NTM: variants seen among roughly 807,000 people sequenced by gnomAD.
NTM encodes the protein IgLON family member 2.
In NTM, 13 loss-of-function variants were observed where a neutral mutation model predicts 42.1. That is an observed-to-expected ratio of 0.31 (90% confidence interval 0.20 to 0.49). The LOEUF (loss-of-function observed/expected upper bound fraction) is 0.49, where lower values mean the gene tolerates loss of function less well. Among genes scored for constraint, NTM ranks in the 20% least tolerant of loss-of-function variants. The probability of loss-of-function intolerance (pLI) is 0.99; values close to 1 mark genes in which losing one functional copy is unlikely to be tolerated. For missense variants in NTM, 373 were observed against 452.8 expected (o/e 0.82, Z 1.60); for synonymous variants, 187 against 179.2 (o/e 1.04, Z -0.35).
intron 1 of NTM, among the ~76,000 whole-genome samples, chr11:131,412,011 G>A (rs779407844): frequency 6.6e-6 from 1 of 152,136 alleles, no homozygotes; most frequent in Non-Finnish European, 1.5e-5. Flanking sequence ...CCAGACCTAC[G>A]TGGACCCTTG....
chr11:132,045,385 A>G (rs1465555736), intron 2 of NTM, among the ~76,000 whole-genome samples: 1 of 152,172 alleles, frequency 6.6e-6, no homozygotes, highest in Non-Finnish European at 1.5e-5. Flanking sequence ...TTACAAATGT[A>G]TTGGTAATTA....
At chr11:131,415,646 G>A (rs1946866872) in intron 1 of NTM, among the ~76,000 whole-genome samples, 1 of 152,062 alleles carries the variant, frequency 6.6e-6, no homozygotes, top group South Asian at 2.1e-4. Flanking sequence ...CCAGGAATCT[G>A]TCAGAAAGCA....
intron 1 of NTM, among the ~76,000 whole-genome samples, chr11:131,462,443 A>G (rs912463958): frequency 6.6e-6 from 1 of 152,252 alleles, no homozygotes; most frequent in African/African-American, 2.4e-5. Flanking sequence ...TTAAAAATAC[A>G]AAAATGACAA....
intron 1 of NTM, among the ~76,000 whole-genome samples, chr11:131,845,689 A>C (rs1303751342): frequency 6.7e-6 from 1 of 149,986 alleles, no homozygotes; most frequent in Non-Finnish European, 1.5e-5. Context: ...CCTGTCATTA[A>C]AAAAAAAATA....
chr11:132,208,751 T>C (rs892428631), intron 3 of NTM, among the ~76,000 whole-genome samples: 2 of 152,190 alleles, frequency 1.3e-5, no homozygotes, highest in African/African-American at 4.8e-5. Context: ...CCACTTAAAA[T>C]GTACTTTAAG....
chr11:132,157,090 G>A (rs563705194), intron 3 of NTM, among the ~76,000 whole-genome samples: 3 of 152,332 alleles, frequency 2.0e-5, no homozygotes, highest in East Asian at 3.9e-4. Flanking sequence ...TTTCAGCCTA[G>A]TGAGAGTCAT....
At chr11:131,513,242 C>T (rs2048481153) in intron 1 of NTM, among the ~76,000 whole-genome samples, 1 of 152,170 alleles carries the variant, frequency 6.6e-6, no homozygotes, top group Admixed American at 6.5e-5. Flanking sequence ...CCAGACAAAA[C>T]AATATAAACT....
chr11:132,012,578 C>A (rs1410602514), intron 2 of NTM, among the ~76,000 whole-genome samples: 1 of 152,086 alleles, frequency 6.6e-6, no homozygotes. Context: ...ATAAGGGATT[C>A]CTTAATTGTT....
chr11:132,316,976 G>A (rs1731873718), intron 7 of NTM, among the ~76,000 whole-genome samples: 3 of 152,190 alleles, frequency 2.0e-5, no homozygotes, highest in Non-Finnish European at 4.4e-5. Context: ...AAGTTAGAAA[G>A]GCAGCAAAAT....
chr11:131,677,285 C>A (rs1387467048), intron 1 of NTM, among the ~76,000 whole-genome samples: 1 of 152,186 alleles, frequency 6.6e-6, no homozygotes, highest in African/African-American at 2.4e-5. Context: ...CCGTGGAGGT[C>A]CACTTCCTCT....
At chr11:132,249,072 C>A (rs906415563) in intron 4 of NTM, among the ~76,000 whole-genome samples, 3 of 152,222 alleles carry the variant, frequency 2.0e-5, no homozygotes, top group Non-Finnish European at 4.4e-5. Context: ...TGTGACAGTT[C>A]AGTTCCATGA....
In NTM at chr11:132,003,142, A is replaced by G. The variant is rs1308205822; in HGVS notation, c.167+91494A>G. Among the ~76,000 whole-genome samples the G allele has an allele frequency of 6.6e-6, 1 of 151,948 alleles. No individual in the cohort carries two copies. The highest frequency in any genetic ancestry group is 2.4e-5 in the African/African-American group (1 of 41,342). ...TGCTTATATTTCCTCCTTCACCCTA[A>G]TGCTAGCCCGGTTCTGAGCCAGAGT... On this transcript the variant is annotated intron_variant, in intron 2 of 8. Coordinates refer to ENST00000683400, the MANE Select transcript of NTM (RefSeq NM_001352005.2). This position sits in a 1 kb window ranked among gnomAD's most constrained non-coding sequence, Gnocchi z 6.0.
At chr11:131,976,952 G>T (rs180928014) in intron 2 of NTM, among the ~76,000 whole-genome samples, 57 of 152,314 alleles carry the variant, frequency 3.7e-4, no homozygotes, top group Admixed American at 3.2e-3. Context: ...GTGTGTGTGG[G>T]TAGTACATGA....
At chr11:131,709,834 T>A (rs1040837052) in intron 1 of NTM, among the ~76,000 whole-genome samples, 4 of 151,838 alleles carry the variant, frequency 2.6e-5, no homozygotes, top group Admixed American at 6.6e-5. Context: ...ACTCCAGCAC[T>A]GACAGGAAGG....
intron 1 of NTM, among the ~76,000 whole-genome samples, chr11:131,498,758 A>G (rs1359749530): frequency 6.6e-6 from 1 of 152,236 alleles, no homozygotes; most frequent in African/African-American, 2.4e-5. Flanking sequence ...GGGGGAAGCC[A>G]GGCCCAAAGC....
At chr11:131,643,202 A>G (rs959852340) in intron 1 of NTM, among the ~76,000 whole-genome samples, 1 of 152,244 alleles carries the variant, frequency 6.6e-6, no homozygotes, top group African/African-American at 2.4e-5. Context: ...TTAGCAAAAC[A>G]AAGCATGGAT....
intron 2 of NTM, among the ~76,000 whole-genome samples, chr11:132,050,603 A>G (rs1255711273): frequency 6.6e-6 from 1 of 152,162 alleles, no homozygotes; most frequent in Non-Finnish European, 1.5e-5. Context: ...ACTTCCAAGG[A>G]GAGGTGCGTG....
intron 2 of NTM, among the ~76,000 whole-genome samples, chr11:131,964,848 C>T (rs1165187810): frequency 1.3e-5 from 2 of 152,146 alleles, no homozygotes; most frequent in South Asian, 2.1e-4. Flanking sequence ...ATAATTGATG[C>T]CCCTCATACT....
intron 1 of NTM, among the ~76,000 whole-genome samples, chr11:131,547,485 G>A (rs990250556): frequency 2.6e-5 from 4 of 152,176 alleles, no homozygotes; most frequent in South Asian, 2.1e-4. Context: ...GGCGCTAACC[G>A]TGGGTGACAG....
Sources: allele counts gnomAD v4.1 joint callset (sites outside exome capture counted in the v4.1 genomes callset), GRCh38; gene constraint gnomAD v4.1.1; non-coding constraint Gnocchi (gnomAD v3.1); transcripts MANE v1.5; gene names NCBI Gene and HGNC (gene_info 2026-07-23, HGNC 2026-07-21).